Variants in ELP3 observed in about 807,000 individuals in gnomAD.
ELP3 encodes the protein elongator acetyltransferase complex subunit 3.
ELP3 carries 56 observed loss-of-function variants against 74.9 expected under a neutral mutation model. That is an observed-to-expected ratio of 0.75 (90% CI 0.60 to 0.93). ELP3 has a LOEUF of 0.93. Ranked by LOEUF, ELP3 falls within the 40% of genes least tolerant of loss-of-function variation. ELP3 has a pLI of 0.00. For missense variants in ELP3, 573 were observed against 686.5 expected, an observed-to-expected ratio of 0.83 and a Z score of 1.85; for synonymous variants, 222 against 239.8, an observed-to-expected ratio of 0.93 and a Z score of 0.68.
intron 12 of ELP3, among the ~76,000 whole-genome samples, chr8:28,159,537 G>A (rs1459515591): frequency 1.3e-5 from 2 of 152,204 alleles, no homozygotes; most frequent in South Asian, 2.1e-4. Flanking sequence ...TTCTCTGTGC[G>A]TGCAATATTG....
chr8:28,099,724 A>C, intron 2 of ELP3, 104 bp from the exon 3 acceptor site: 1 of 1,251,992 alleles, frequency 8.0e-7, no homozygotes, highest in African/African-American at 1.5e-5. Flanking sequence ...TGGTGAAGGG[A>C]TTGGAGAGTG....
chr8:28,178,860 C>T (rs1814873388), intron 14 of ELP3, among the ~76,000 whole-genome samples: 8 of 152,180 alleles, frequency 5.3e-5, no homozygotes, highest in Admixed American at 5.2e-4. Flanking sequence ...ATGATTTTGA[C>T]TACCTTTTCA....
At chr8:28,092,529 C>T (rs555614750), upstream of ELP3, among the ~76,000 whole-genome samples, 13 of 152,272 alleles carry the variant, frequency 8.5e-5, no homozygotes, top group East Asian at 5.8e-4. Context: ...TGAGCCACTG[C>T]GCCCGGCCCT....
intron 10 of ELP3, among the ~76,000 whole-genome samples, chr8:28,155,077 AG>A (rs1369025905): frequency 6.6e-6 from 1 of 152,234 alleles, no homozygotes; most frequent in South Asian, 2.1e-4. Context: ...TGAAAAGAGG[AG>A]GAAAAGACTC....
At chr8:28,159,635 A>G (rs1813987045) in intron 12 of ELP3, among the ~76,000 whole-genome samples, 2 of 152,198 alleles carry the variant, frequency 1.3e-5, no homozygotes, top group Non-Finnish European at 2.9e-5. Flanking sequence ...TGCTACCACA[A>G]AGCTTCCCCC....
At chr8:28,097,643 A>G (rs1267925526) in intron 2 of ELP3, among the ~76,000 whole-genome samples, 1 of 151,942 alleles carries the variant, frequency 6.6e-6, no homozygotes, top group Admixed American at 6.6e-5. Flanking sequence ...TGATCTGCCC[A>G]CCTCGGCCTC....
rs369137840 is a variant in ELP3 at position 28,161,991 on chromosome 8, G to T, written c.1486-6G>T. ...AATTCCCACTCCCCATTGTTGCTCC[G>T]TGCAGGGATTTGGCATGCTGCTGAT... On this transcript the variant is annotated splice_polypyrimidine_tract_variant and splice_region_variant and intron_variant, in intron 13 of 14. Coordinates refer to ENST00000256398, the MANE Select transcript of ELP3 (RefSeq NM_018091.6). 9 of 1,613,924 alleles carry T rather than the reference G, an allele frequency of 5.6e-6. No homozygotes were observed. Among genetic ancestry groups the T allele is most frequent in the Non-Finnish European group, 7.6e-6 (9 of 1,179,910 alleles).
intron 14 of ELP3, among the ~76,000 whole-genome samples, chr8:28,171,352 CT>C (rs35043302): frequency 0.59 from 88,343 of 148,838 alleles, 27,374 homozygotes; most frequent in East Asian, 0.92. Flanking sequence ...TGAGATTTTT[CT>C]TTTTTTTTTT....
chr8:28,153,700 T>C (rs1813722626), intron 10 of ELP3, among the ~76,000 whole-genome samples: 1 of 152,178 alleles, frequency 6.6e-6, no homozygotes, highest in Non-Finnish European at 1.5e-5. Flanking sequence ...TTACACATCG[T>C]TGTCCTGGAT....
intron 3 of ELP3, among the ~76,000 whole-genome samples, chr8:28,102,720 A>G (rs1811538469): frequency 6.6e-6 from 1 of 152,264 alleles, no homozygotes; most frequent in South Asian, 2.1e-4. Context: ...TACATTTGTT[A>G]GAATTGATGA....
At chr8:28,150,483 A>T (rs965058342) in intron 10 of ELP3, among the ~76,000 whole-genome samples, 2 of 152,066 alleles carry the variant, frequency 1.3e-5, no homozygotes. Context: ...AGGATTCAGA[A>T]TTCTAGGTTG....
At chr8:28,108,183 A>G (rs1444503690) in intron 5 of ELP3, among the ~76,000 whole-genome samples, 1 of 152,244 alleles carries the variant, frequency 6.6e-6, no homozygotes, top group East Asian at 1.9e-4. Flanking sequence ...ACATAAGCAT[A>G]AATAATACTT....
intron 11 of ELP3, among the ~76,000 whole-genome samples, chr8:28,156,355 TGAAAG>T (rs1010129400): frequency 2.2e-4 from 34 of 152,338 alleles, no homozygotes; most frequent in African/African-American, 7.7e-4. Context: ...ACGTGAATCC[TGAAAG>T]GAAAGTATAA....
chr8:28,098,358 C>T (rs1410337049), intron 2 of ELP3, among the ~76,000 whole-genome samples: 1 of 152,116 alleles, frequency 6.6e-6, no homozygotes, highest in Admixed American at 6.6e-5. Context: ...CAATATTTTA[C>T]CCCTTCCTTG....
At chr8:28,143,245 C>T (rs1585702236) in intron 10 of ELP3, among the ~76,000 whole-genome samples, 1 of 136,262 alleles carries the variant, frequency 7.3e-6, no homozygotes. Flanking sequence ...TAGCACCACT[C>T]CCATGATCTC....
chr8:28,190,541 A>G lies in ELP3; in HGVS notation c.*816A>G, dbSNP rs1815421333. ...GTCTCAGGTTGTGTGCCCCTAAATC[A>G]AGATTTGCTTCCACAGAAGCCATTA... On this transcript the variant is annotated 3_prime_UTR_variant, in exon 15 of 15. Coordinates refer to ENST00000256398, the MANE Select transcript of ELP3 (RefSeq NM_018091.6). 1 of 151,310 alleles carries G rather than the reference A, an allele frequency of 6.6e-6. No homozygotes were observed. Among genetic ancestry groups the G allele is most frequent in the Non-Finnish European group, 1.5e-5 (1 of 67,968 alleles). The allele number at this position is 151,310 out of a possible 1,614,324, so 9.4% of individuals were successfully genotyped here.
intron 10 of ELP3, among the ~76,000 whole-genome samples, chr8:28,150,215 A>AAT (rs1813588623): frequency 6.6e-6 from 1 of 152,230 alleles, no homozygotes; most frequent in African/African-American, 2.4e-5. Context: ...TACATAATTG[A>AAT]ATACATTGTT....
chr8:28,129,432 G>A, intron 7 of ELP3, 70 bp from the exon 8 acceptor site: 1 of 1,532,010 alleles, frequency 6.5e-7, no homozygotes, highest in Non-Finnish European at 9.0e-7. Context: ...ACAGAGAGAA[G>A]GCAGTTTTTT....
At chr8:28,178,151 G>T (rs975715599) in intron 14 of ELP3, among the ~76,000 whole-genome samples, 14 of 152,146 alleles carry the variant, frequency 9.2e-5, no homozygotes, top group Non-Finnish European at 1.3e-4. Context: ...TAACAAAACT[G>T]GGTAATTTAT....
Sources: allele counts gnomAD v4.1 joint callset (sites outside exome capture counted in the v4.1 genomes callset), GRCh38; gene constraint gnomAD v4.1.1; transcripts MANE v1.5; gene names NCBI Gene and HGNC (gene_info 2026-07-23, HGNC 2026-07-21).